Variants in SLC35D1 observed in about 807,000 individuals in gnomAD.
SLC35D1 encodes the protein nucleotide sugar transporter SLC35D1.
In SLC35D1, 31 loss-of-function variants were observed where a neutral mutation model predicts 46.7. That is an observed-to-expected ratio of 0.66 (90% CI 0.50 to 0.90). The LOEUF (loss-of-function observed/expected upper bound fraction) is 0.90. SLC35D1 is among the 40% of genes least tolerant of loss of function. The pLI is 0.00. For synonymous variants in SLC35D1, 195 were observed against 164.6 expected (o/e 1.18, Z -1.41); for missense variants, 397 against 426.2 (o/e 0.93, Z 0.60).
chr1:67,029,518 T>C (rs1299037174), intron 8 of SLC35D1, among the ~76,000 whole-genome samples: 1 of 152,224 alleles, frequency 6.6e-6, no homozygotes, highest in Non-Finnish European at 1.5e-5. Context: ...TGTAAGTTCC[T>C]TGGGAGCAGG....
the SLC35D1 span, among the ~76,000 whole-genome samples, chr1:66,981,228 T>C: frequency 2.1e-4 from 32 of 152,156 alleles, no homozygotes; most frequent in African/African-American, 7.5e-4. Context: ...TGAGCTCACA[T>C]ACAATGAGAA....
At chr1:66,997,839 A>AT (rs1488875819), downstream of SLC35D1, among the ~76,000 whole-genome samples, 3 of 149,034 alleles carry the variant, frequency 2.0e-5, no homozygotes, top group Non-Finnish European at 3.0e-5. Context: ...AAATATATAT[A>AT]TATCTCCTTA....
intron 7 of SLC35D1, among the ~76,000 whole-genome samples, chr1:67,045,693 T>C (rs1165681831): frequency 2.0e-5 from 3 of 152,198 alleles, no homozygotes; most frequent in Non-Finnish European, 4.4e-5. Flanking sequence ...ATTGTACTAA[T>C]ATGGTAGCCA....
intron 8 of SLC35D1, among the ~76,000 whole-genome samples, chr1:67,029,970 G>T (rs1393732095): frequency 6.6e-6 from 1 of 150,470 alleles, no homozygotes; most frequent in African/African-American, 2.4e-5. Flanking sequence ...ATAATTAAAG[G>T]TCATTTGAAC....
At position 67,035,954 on chromosome 1, in the gene SLC35D1, T is replaced by C. The variant is rs1033652954; in HGVS notation, c.729+6282A>G. Among the ~76,000 whole-genome samples, 82 of 152,130 alleles carry C rather than the reference T, an allele frequency of 5.4e-4. 1 individual carries two copies. The highest frequency in any genetic ancestry group is 3.3e-4 in the Admixed American group (5 of 15,272). ...CATCTTAATTTCTTCATTAACCCAT[T>C]TGTCATTCAGGAACATATTGTTTAA... On this transcript the variant is annotated intron_variant, in intron 8 of 11. Coordinates refer to ENST00000235345, the MANE Select transcript of SLC35D1 (RefSeq NM_015139.3).
intron 6 of SLC35D1, among the ~76,000 whole-genome samples, chr1:67,049,009 G>A (rs1396860741): frequency 3.3e-5 from 5 of 152,102 alleles, no homozygotes; most frequent in Non-Finnish European, 4.4e-5. Context: ...ATTAAGGAAC[G>A]CCAGGCCAGG....
chr1:67,042,675 T>C (rs949006182), intron 7 of SLC35D1, among the ~76,000 whole-genome samples: 12 of 152,030 alleles, frequency 7.9e-5, no homozygotes, highest in African/African-American at 2.7e-4. Context: ...CACAGCAATA[T>C]CAAAACATCT....
the SLC35D1 span, chr1:66,986,563 C>A: frequency 1.0e-6 from 1 of 989,526 alleles, no homozygotes; most frequent in Non-Finnish European, 1.6e-6. Context: ...GGCCTTACCC[C>A]CATGAAGTAT....
chr1:66,974,398 T>G, the SLC35D1 span, among the ~76,000 whole-genome samples: 1 of 152,050 alleles, frequency 6.6e-6, no homozygotes, highest in South Asian at 2.1e-4. Flanking sequence ...TGTTTCATGG[T>G]TGAAAGGGAC....
chr1:66,989,788 ACGGGC>A, the SLC35D1 span, among the ~76,000 whole-genome samples: 1 of 152,206 alleles, frequency 6.6e-6, no homozygotes, highest in South Asian at 2.1e-4. Context: ...AAGAAAACAT[ACGGGC>A]CTTAAATTGG....
intron 8 of SLC35D1, among the ~76,000 whole-genome samples, chr1:67,022,234 C>T (rs1395267870): frequency 2.0e-5 from 3 of 151,878 alleles, no homozygotes; most frequent in African/African-American, 7.2e-5. Context: ...AATGGATTCT[C>T]AAGTACCTAG....
chr1:67,033,597 A>G (rs920433162), intron 8 of SLC35D1, among the ~76,000 whole-genome samples: 1 of 151,882 alleles, frequency 6.6e-6, no homozygotes, highest in Non-Finnish European at 1.5e-5. Context: ...TTTCCTATAG[A>G]GCTGTTTTTC....
intron 7 of SLC35D1, among the ~76,000 whole-genome samples, chr1:67,043,520 C>T (rs954238765): frequency 6.6e-6 from 1 of 152,060 alleles, no homozygotes; most frequent in Admixed American, 6.6e-5. Flanking sequence ...ATTCCAACTT[C>T]GGCACCAGAG....
chr1:66,984,497 A>G, the SLC35D1 span: 2 of 1,048,756 alleles, frequency 1.9e-6, no homozygotes, highest in South Asian at 1.6e-5. Context: ...AACAATAACT[A>G]CAAGCTGTTT....
At chr1:67,022,472 A>C (rs1056486136) in intron 8 of SLC35D1, among the ~76,000 whole-genome samples, 1 of 152,158 alleles carries the variant, frequency 6.6e-6, no homozygotes. Flanking sequence ...ACTCCTGTTC[A>C]GCCATCAAAT....
At chr1:67,027,773 C>T (rs927436707) in intron 8 of SLC35D1, among the ~76,000 whole-genome samples, 4 of 151,990 alleles carry the variant, frequency 2.6e-5, no homozygotes, top group African/African-American at 9.7e-5. Flanking sequence ...GGTCTGTTGC[C>T]GAGGCTGGAG....
chr1:66,977,358 C>A, the SLC35D1 span, among the ~76,000 whole-genome samples: 3 of 152,104 alleles, frequency 2.0e-5, no homozygotes, highest in Admixed American at 2.0e-4. Context: ...GATCCACCTG[C>A]CTCAGCCTCC....
chr1:67,043,125 G>A (rs1404864909), intron 7 of SLC35D1, among the ~76,000 whole-genome samples: 1 of 151,894 alleles, frequency 6.6e-6, no homozygotes, highest in Non-Finnish European at 1.5e-5. Flanking sequence ...AACTCAGGAG[G>A]TGGAGATGCA....
At chr1:67,028,097 T>C (rs1312627664) in intron 8 of SLC35D1, among the ~76,000 whole-genome samples, 1 of 151,816 alleles carries the variant, frequency 6.6e-6, no homozygotes, top group Non-Finnish European at 1.5e-5. Context: ...TTTTTCTTTG[T>C]CTATGAATTA....
Sources: gnomAD v4.1 joint callset for allele counts (sites outside exome capture counted in the v4.1 genomes callset) on GRCh38, gnomAD v4.1.1 for gene constraint, MANE v1.5 for transcripts, NCBI Gene and HGNC (gene_info 2026-07-23, HGNC 2026-07-21) for gene names.